The following ARPP21 variants were observed in gnomAD, a reference collection of about 807,000 sequenced individuals.
The protein encoded by ARPP21 is cAMP regulated phosphoprotein 21.
A neutral mutation model predicts 113.2 loss-of-function variants in ARPP21; 69 were observed. That is an observed-to-expected ratio of 0.61 (90% CI 0.50 to 0.74). The LOEUF is 0.74. Among genes scored for constraint, ARPP21 ranks in the 30% least tolerant of loss-of-function variants. The pLI is 0.00. For missense variants in ARPP21, 1,070 were observed against 1,037.4 expected, an observed-to-expected ratio of 1.03 and a Z score of -0.43; for synonymous variants, 368 against 375.5, an observed-to-expected ratio of 0.98 and a Z score of 0.23.
At chr3:35,640,771 G>T (rs999186063) in intron 1 of ARPP21, among the ~76,000 whole-genome samples, 2 of 152,170 alleles carry the variant, frequency 1.3e-5, no homozygotes, top group African/African-American at 4.8e-5. Context: ...AAGGATTGGG[G>T]TCCTAGGTCC....
At chr3:35,659,524 C>A (rs1029414567) in intron 1 of ARPP21, among the ~76,000 whole-genome samples, 4 of 152,038 alleles carry the variant, frequency 2.6e-5, no homozygotes, top group Non-Finnish European at 5.9e-5. Context: ...CAGAGATAAA[C>A]AAAGCACAAT....
At chr3:35,727,577 A>G (rs1337768123) in intron 14 of ARPP21, among the ~76,000 whole-genome samples, 2 of 152,216 alleles carry the variant, frequency 1.3e-5, no homozygotes, top group African/African-American at 2.4e-5. Flanking sequence ...AGAATCTTGA[A>G]AAGAGTGTTA....
chr3:35,713,926 G>A (rs1474705848), intron 11 of ARPP21, among the ~76,000 whole-genome samples: 1 of 152,096 alleles, frequency 6.6e-6, no homozygotes, highest in Non-Finnish European at 1.5e-5. Context: ...AACTCATAAT[G>A]TATATCTAAG....
intron 16 of ARPP21, 140 bp from the exon 17 acceptor site, chr3:35,738,074 C>G: frequency 1.7e-6 from 1 of 589,510 alleles, no homozygotes. Flanking sequence ...CTTTCAGAGC[C>G]TTGACTTTCC....
intron 15 of ARPP21, among the ~76,000 whole-genome samples, chr3:35,731,623 G>T (rs2093980734): frequency 6.6e-6 from 1 of 151,832 alleles, no homozygotes; most frequent in Non-Finnish European, 1.5e-5. Context: ...TATAATGCAT[G>T]TTATATATAT....
At chr3:35,687,373 T>G (rs1375860651) in intron 5 of ARPP21, among the ~76,000 whole-genome samples, 1 of 144,642 alleles carries the variant, frequency 6.9e-6, no homozygotes, top group Non-Finnish European at 1.5e-5. Flanking sequence ...TACGGAGGAC[T>G]TTTTTTTTTT....
At chr3:35,703,205 A>G (rs1408678643) in intron 9 of ARPP21, among the ~76,000 whole-genome samples, 1 of 151,922 alleles carries the variant, frequency 6.6e-6, no homozygotes, top group African/African-American at 2.4e-5. Context: ...AAGGTAAACT[A>G]TTAAAATACT....
intron 1 of ARPP21, among the ~76,000 whole-genome samples, chr3:35,661,456 T>C (rs1707778393): frequency 6.6e-6 from 1 of 152,188 alleles, no homozygotes; most frequent in Admixed American, 6.5e-5. Context: ...GCTCAGCACA[T>C]AGAAACATGC....
chr3:35,699,907 A>G (rs1036535151), intron 9 of ARPP21, among the ~76,000 whole-genome samples: 1 of 151,830 alleles, frequency 6.6e-6, no homozygotes, highest in African/African-American at 2.4e-5. Context: ...TATGACTGCC[A>G]TATTTGGAAA....
At chr3:35,657,541 T>G (rs376886624) in intron 1 of ARPP21, among the ~76,000 whole-genome samples, 4 of 152,276 alleles carry the variant, frequency 2.6e-5, no homozygotes, top group Non-Finnish European at 5.9e-5. Flanking sequence ...TTTATGTATA[T>G]TAATGTGCTT....
At chr3:35,785,081 G>A (rs1043063136) in intron 19 of ARPP21, 2 of 152,092 alleles carry the variant, frequency 1.3e-5, no homozygotes, top group Non-Finnish European at 2.9e-5. Flanking sequence ...ATATTATCAT[G>A]GGGACAGTTA....
In ARPP21 at chr3:35,743,872, C is replaced by T; in HGVS notation, c.2044C>T (p.Pro682Ser). ...ATATTATTACCCATCTGGTCAGTAC[C>T]CTACCTCAACCACGCAACAGTACCG... ...PVYYYPSGQY[P>S]TSTTQQYRPM... The change falls in exon 19 of 21, where the codon CCT (proline) becomes TCT (serine). Residue 682 changes from proline (P) to serine (S), a missense_variant. Transcript: ENST00000684406. The T allele has an allele frequency of 6.2e-7, 1 of 1,614,152 alleles. No homozygotes were observed. Among genetic ancestry groups the T allele is most frequent in the Non-Finnish European group, 8.5e-7 (1 of 1,179,952 alleles).
At chr3:35,712,512 GTCTGT>G (rs2091427072) in intron 11 of ARPP21, among the ~76,000 whole-genome samples, 1 of 116,014 alleles carries the variant, frequency 8.6e-6, no homozygotes, top group African/African-American at 3.4e-5. Flanking sequence ...TGTCTAAGGT[GTCTGT>G]GTGTGTGTGT....
At chr3:35,772,370 C>A (rs576497031) in intron 19 of ARPP21, among the ~76,000 whole-genome samples, 2 of 152,212 alleles carry the variant, frequency 1.3e-5, no homozygotes, top group South Asian at 4.2e-4. Context: ...TAAACAGATC[C>A]AGTTTAGCCC....
intron 19 of ARPP21, among the ~76,000 whole-genome samples, chr3:35,755,276 A>AAAAC (rs533097381): frequency 2.0e-5 from 3 of 152,030 alleles, no homozygotes; most frequent in Admixed American, 6.6e-5. Flanking sequence ...AAGCACATTT[A>AAAAC]AAACAAACAA....
At chr3:35,748,067 G>GAAGAAAGAAAGAAGGAAAGA (rs2095203521) in intron 19 of ARPP21, among the ~76,000 whole-genome samples, 1 of 86,958 alleles carries the variant, frequency 1.1e-5, no homozygotes, top group East Asian at 3.2e-4. Flanking sequence ...AAGAAGGAAG[G>GAAGAAAGAAAGAAGGAAAGA]AAGAAAGAAA....
rs1350542980 is a variant in ARPP21, at chr3:35,794,040, G to A, written c.*82G>A. 22 of 1,288,990 alleles carry A rather than the reference G, an allele frequency of 1.7e-5. No individual in the cohort carries two copies. Among genetic ancestry groups the A allele is most frequent in the Non-Finnish European group, 2.3e-5 (21 of 920,682 alleles). The allele number at this position is 1,288,990 out of a possible 1,614,324, so 79.8% of individuals were successfully genotyped here. A position where few individuals can be genotyped will look rare whatever the true frequency, so the allele number is the denominator to read the frequency against. On this transcript the variant is annotated 3_prime_UTR_variant, in exon 21 of 21. Coordinates refer to ENST00000684406, the MANE Select transcript of ARPP21 (RefSeq NM_001385562.1). ...GAACAAGGTGGGAAAACTGGCTGAG[G>A]ACTTAAGTATTCACTCAACACTCAA...
At chr3:35,737,749 T>C (rs552082027) in intron 16 of ARPP21, among the ~76,000 whole-genome samples, 21 of 152,296 alleles carry the variant, frequency 1.4e-4, no homozygotes, top group Non-Finnish European at 2.4e-4. Context: ...CAATACTGAA[T>C]TCTTCATCAA....
chr3:35,744,276 T>C (rs1576529429), intron 19 of ARPP21, among the ~76,000 whole-genome samples: 1 of 152,232 alleles, frequency 6.6e-6, no homozygotes, highest in Non-Finnish European at 1.5e-5. Flanking sequence ...CTTTTAATTT[T>C]TTTTTTCTTT....
Sources: allele counts gnomAD v4.1 joint callset (sites outside exome capture counted in the v4.1 genomes callset), GRCh38; gene constraint gnomAD v4.1.1; transcripts MANE v1.5; gene names NCBI Gene and HGNC (gene_info 2026-07-23, HGNC 2026-07-21).